The following ZNF69 variants were observed in gnomAD, a reference collection of about 807,000 sequenced individuals.
The protein encoded by ZNF69 is zinc finger protein 69.
Under a neutral mutation model 50.9 loss-of-function variants are expected in ZNF69, and 47 were observed. The observed-to-expected ratio is 0.92, with a 90% CI of 0.73 to 1.18. The LOEUF (loss-of-function observed/expected upper bound fraction) is 1.18, where lower values mean the gene tolerates loss of function less well. Ranked by LOEUF, ZNF69 falls within the 50% of genes most tolerant of loss-of-function variation. The pLI, the probability that ZNF69 is intolerant of heterozygous loss-of-function variation, is 0.00. For synonymous variants in ZNF69, 216 were observed against 223.1 expected, an observed-to-expected ratio of 0.97 and a Z score of 0.29; for missense variants, 717 against 675.1, an observed-to-expected ratio of 1.06 and a Z score of -0.69.
chr19:11,906,019 A>G lies in ZNF69; in HGVS notation c.1622A>G (p.Lys541Arg), dbSNP rs1246100713. The G allele has an allele frequency of 4.3e-6, 7 of 1,614,038 alleles. No individual in the cohort carries two copies. Among genetic ancestry groups the G allele is most frequent in the Non-Finnish European group, 8.5e-7 (1 of 1,179,994 alleles). ...CCCTATAAATGCAAGCAATGTGGGA[A>G]AGCCTTCAGAGCTGCCTCAGTCCTT... ...EKPYKCKQCGKAFRAASVLRM... is the reference protein window; with the variant it reads ...EKPYKCKQCGRAFRAASVLRM... The change falls in exon 4 of 4, where the codon AAA becomes AGA. Residue 541 changes from lysine (K) to arginine (R), a missense_variant. Lys to Arg is a conservative substitution (Grantham distance 26). Transcript: ENST00000429654.
the ZNF69 span, among the ~76,000 whole-genome samples, chr19:11,942,770 G>A: frequency 6.6e-6 from 1 of 152,214 alleles, no homozygotes; most frequent in Non-Finnish European, 1.5e-5. Context: ...TAGGTCAGGA[G>A]TTGATTTTTA....
the ZNF69 span, among the ~76,000 whole-genome samples, chr19:11,966,326 C>T: frequency 6.6e-6 from 1 of 152,118 alleles, no homozygotes; most frequent in Non-Finnish European, 1.5e-5. Context: ...TTTGGGGGTT[C>T]CCTTGGCCAA....
Position 11,906,418 on chromosome 19 carries a change from A to G in ZNF69, c.*320A>G. On this transcript the variant is annotated 3_prime_UTR_variant, in exon 4 of 4. Transcript: ENST00000429654. ...TCTCCAAGTAGCCTAACTGGGAGGC[A>G]CTTCCCAGTAGGGGCCAACTGACAC... 1.6e-5 allele frequency: 4 copies of G among 251,418 alleles called. No individual in the cohort carries two copies. Among genetic ancestry groups the G allele is most frequent in the Non-Finnish European group, 2.5e-5 (4 of 159,086 alleles). The allele number at this position is 251,418 out of a possible 1,614,324, so 15.6% of individuals were successfully genotyped here.
chr19:11,950,890 C>T, the ZNF69 span: 11 of 164,156 alleles, frequency 6.7e-5, no homozygotes, highest in African/African-American at 1.4e-4. Context: ...CAGTGGCTCA[C>T]GCCTGTAATC....
Position 11,905,267 on chromosome 19 carries a change from C to T in ZNF69, c.870C>T (p.Cys290=), listed in dbSNP as rs775299589. The T allele has an allele frequency of 8.1e-6, 13 of 1,613,914 alleles. No homozygotes were observed. Among genetic ancestry groups the T allele is most frequent in the Admixed American group, 1.7e-5 (1 of 59,964 alleles). Residue 290 remains cysteine (C), a synonymous_variant, in exon 4 of 4, where the codon TGC becomes TGT. Transcript: ENST00000429654. ...GGAAAGCATTTCATAGTCCCAGATG[C>T]TATCGTAGACATGAAAGGATTCACA... ...QCGKAFHSPR[C]YRRHERIHTG...
At chr19:11,928,304 C>T in the ZNF69 span, among the ~76,000 whole-genome samples, 1 of 152,106 alleles carries the variant, frequency 6.6e-6, no homozygotes, top group Non-Finnish European at 1.5e-5. Flanking sequence ...CAACTTAATT[C>T]GTAATGGTTT....
intron 1 of ZNF69, among the ~76,000 whole-genome samples, chr19:11,891,296 T>C (rs279187): frequency 0.04 from 6,077 of 151,162 alleles, 438 homozygotes; most frequent in African/African-American, 0.14. Flanking sequence ...GTGTGGTGGC[T>C]TGCACCTGTA....
At chr19:11,925,197 C>G in the ZNF69 span, 1 of 1,612,104 alleles carries the variant, frequency 6.2e-7, no homozygotes, top group South Asian at 1.1e-5. Context: ...TTCTGTCGCT[C>G]TGTCGCCTGC....
the ZNF69 span, among the ~76,000 whole-genome samples, chr19:11,934,448 A>C: frequency 1.3e-5 from 2 of 148,268 alleles, no homozygotes; most frequent in South Asian, 4.2e-4. Context: ...AGGAAGTGTC[A>C]GTGTTTTGGA....
downstream of ZNF69, among the ~76,000 whole-genome samples, chr19:11,915,179 T>C (rs150608031): frequency 2.9e-3 from 437 of 152,252 alleles, 2 homozygotes; most frequent in African/African-American, 0.01. Flanking sequence ...CCCTGCAGCC[T>C]AGTCGACACA....
the ZNF69 span, among the ~76,000 whole-genome samples, chr19:11,967,594 G>A: frequency 1.4e-3 from 213 of 152,142 alleles, 10 homozygotes; most frequent in South Asian, 1.2e-3. Flanking sequence ...TAGTAGAGAC[G>A]GGGTTTCACC....
chr19:11,948,618 C>A, the ZNF69 span: 1 of 1,609,426 alleles, frequency 6.2e-7, no homozygotes, highest in Non-Finnish European at 8.5e-7. Flanking sequence ...CTTGTAAAGT[C>A]TGTGGAAAAA....
the ZNF69 span, among the ~76,000 whole-genome samples, chr19:11,934,079 C>T: frequency 1.4e-5 from 2 of 147,822 alleles, no homozygotes; most frequent in African/African-American, 5.3e-5. Flanking sequence ...TGTGATGCCT[C>T]ATCCCTAAAT....
chr19:11,977,985 T>C, the ZNF69 span: 1 of 1,139,106 alleles, frequency 8.8e-7, no homozygotes, highest in Non-Finnish European at 1.2e-6. Flanking sequence ...TGTTGTCCAT[T>C]TACCTTCAAA....
chr19:11,968,206 A>C, the ZNF69 span, among the ~76,000 whole-genome samples: 1 of 152,196 alleles, frequency 6.6e-6, no homozygotes, highest in Non-Finnish European at 1.5e-5. Context: ...AATAAATGTA[A>C]CAGGATTACA....
chr19:11,900,487 G>T (rs1481181301), intron 1 of ZNF69, among the ~76,000 whole-genome samples: 1 of 151,808 alleles, frequency 6.6e-6, no homozygotes, highest in Non-Finnish European at 1.5e-5. Context: ...TGAGTAACTG[G>T]GATTACAGGC....
the ZNF69 span, among the ~76,000 whole-genome samples, chr19:11,937,234 C>T: frequency 2.6e-5 from 4 of 152,248 alleles, no homozygotes; most frequent in Non-Finnish European, 4.4e-5. Context: ...GTAAATGATT[C>T]ATTAGGAGGT....
the ZNF69 span, chr19:11,978,958 G>A: frequency 6.2e-7 from 1 of 1,614,212 alleles, no homozygotes; most frequent in South Asian, 1.1e-5. Flanking sequence ...TGTAAGGAAT[G>A]TAGAAAAGCA....
chr19:11,926,555 A>ATTC, the ZNF69 span: 1 of 152,994 alleles, frequency 6.5e-6, no homozygotes, highest in Non-Finnish European at 1.5e-5. Flanking sequence ...TGCCCTCCTA[A>ATTC]TTTTTGTATT....
Sources: allele counts gnomAD v4.1 joint callset (sites outside exome capture counted in the v4.1 genomes callset), GRCh38; gene constraint gnomAD v4.1.1; transcripts MANE v1.5; gene names NCBI Gene and HGNC (gene_info 2026-07-23, HGNC 2026-07-21).